PP2D1: variants seen among roughly 807,000 people sequenced by gnomAD.
The protein encoded by PP2D1 is protein phosphatase 2C like domain containing 1.
Under a neutral mutation model 30.2 loss-of-function variants are expected in PP2D1, and 25 were observed. The ratio of observed to expected loss-of-function variants is 0.83; its 90% confidence interval spans 0.60 to 1.16. PP2D1 has a LOEUF of 1.16. Among genes scored for constraint, PP2D1 ranks in the 50% most tolerant of loss-of-function variants. PP2D1 has a pLI of 0.00. For missense variants in PP2D1, 760 were observed against 742.4 expected, an observed-to-expected ratio of 1.02 and a Z score of -0.28; for synonymous variants, 260 against 258.9, an observed-to-expected ratio of 1.00 and a Z score of -0.04.
At chr3:20,002,129 G>C (rs1697264806) in intron 1 of PP2D1, 33 bp from the exon 2 acceptor site, 2 of 1,387,420 alleles carry the variant, frequency 1.4e-6, no homozygotes, top group Middle Eastern at 1.8e-4. Flanking sequence ...TTACATGCCA[G>C]GATGATGCAG....
chr3:20,010,621 G>C (rs954787116), intron 1 of PP2D1, among the ~76,000 whole-genome samples: 3 of 151,872 alleles, frequency 2.0e-5, no homozygotes, highest in African/African-American at 7.3e-5. Flanking sequence ...GACCGACATA[G>C]AGAAACCCCA....
intron 2 of PP2D1, among the ~76,000 whole-genome samples, chr3:19,995,048 T>C (rs2125141145): frequency 6.6e-6 from 1 of 152,286 alleles, no homozygotes; most frequent in East Asian, 1.9e-4. Context: ...AGAGAATAAT[T>C]GGACCAAACT....
intron 1 of PP2D1, among the ~76,000 whole-genome samples, chr3:20,007,507 G>A (rs111579370): frequency 2.0e-5 from 3 of 152,044 alleles, no homozygotes; most frequent in Non-Finnish European, 4.4e-5. Flanking sequence ...GGTGGCTCAC[G>A]CCTGTGATCC....
Position 19,987,797 on chromosome 3 carries a change from T to C in PP2D1, c.1091-1615A>G, listed in dbSNP as rs146408962. On this transcript the variant is annotated intron_variant, in intron 2 of 2. Transcript: ENST00000389050. The stretch of plus-strand genomic sequence containing the variant: ...CGTTGTTGCGGGAAGTCAGGGACCC[T>C]GAACAGAGGGACTGGCTGAAGCCAT... 9.6e-3 allele frequency among the ~76,000 whole-genome samples: 1,461 copies of C among 152,308 alleles called. 22 individuals are homozygous for C. The highest frequency in any genetic ancestry group is 0.031 in the African/African-American group (1,286 of 41,570).
intron 1 of PP2D1, among the ~76,000 whole-genome samples, chr3:20,011,624 C>T (rs1280410577): frequency 1.3e-5 from 2 of 151,912 alleles, no homozygotes; most frequent in Non-Finnish European, 2.9e-5. Context: ...CATAGTGAAA[C>T]CCTGTCTCTA....
At chr3:19,995,760 AAGT>A in intron 2 of PP2D1, among the ~76,000 whole-genome samples, 1 of 152,328 alleles carries the variant, frequency 6.6e-6, no homozygotes, top group Middle Eastern at 3.4e-3. Context: ...GATTTTTTAA[AAGT>A]AGTATCTTTT....
intron 1 of PP2D1, among the ~76,000 whole-genome samples, chr3:20,002,978 C>A (rs571425929): frequency 2.0e-5 from 3 of 152,008 alleles, no homozygotes; most frequent in African/African-American, 7.2e-5. Context: ...TTGCTTGAAC[C>A]TGGGAGACGG....
intron 2 of PP2D1, among the ~76,000 whole-genome samples, chr3:19,998,163 C>G (rs529650949): frequency 6.6e-6 from 1 of 152,224 alleles, no homozygotes; most frequent in Admixed American, 6.5e-5. Context: ...AACCCTGTCT[C>G]TACTAAAAAT....
At chr3:19,989,844 G>C (rs1697093613) in intron 2 of PP2D1, among the ~76,000 whole-genome samples, 1 of 152,174 alleles carries the variant, frequency 6.6e-6, no homozygotes, top group East Asian at 1.9e-4. Flanking sequence ...GCAAGTCAAA[G>C]GCCATTTAGC....
intron 2 of PP2D1, among the ~76,000 whole-genome samples, chr3:19,993,225 A>G (rs1697138978): frequency 6.6e-6 from 1 of 152,136 alleles, no homozygotes; most frequent in Non-Finnish European, 1.5e-5. Context: ...AGACATAAAG[A>G]TATTGGAATA....
At chr3:19,983,676 A>G (rs1291209997), downstream of PP2D1, 3 of 1,424,870 alleles carry the variant, frequency 2.1e-6, no homozygotes, top group African/African-American at 2.9e-5. Context: ...TGAGTATTCA[A>G]ATATTCTATT....
At chr3:19,982,852 A>T (rs1054138394), downstream of PP2D1, among the ~76,000 whole-genome samples, 12 of 152,162 alleles carry the variant, frequency 7.9e-5, no homozygotes, top group African/African-American at 2.7e-4. Flanking sequence ...ATGATCTATC[A>T]CAATTCGGGG....
At chr3:19,987,553 T>C (rs1214949277) in intron 2 of PP2D1, among the ~76,000 whole-genome samples, 2 of 152,142 alleles carry the variant, frequency 1.3e-5, no homozygotes, top group Admixed American at 1.3e-4. Flanking sequence ...TGGGATCATT[T>C]AGTTGCTTGC....
At chr3:20,006,992 C>CATATATATACACACATATATATGTAT (rs755592059) in intron 1 of PP2D1, among the ~76,000 whole-genome samples, 67 of 95,148 alleles carry the variant, frequency 7.0e-4, no homozygotes, top group African/African-American at 2.6e-3. Flanking sequence ...TATATGTATA[C>CATATATATACACACATATATATGTAT]ACACACACAC....
chr3:20,006,925 C>T (rs913057399), intron 1 of PP2D1, among the ~76,000 whole-genome samples: 10 of 150,864 alleles, frequency 6.6e-5, no homozygotes, highest in Admixed American at 2.7e-4. Context: ...TACAGATGCC[C>T]GCCTAAAATA....
Position 20,001,911 on chromosome 3 carries a change from T to C in PP2D1, c.209A>G (p.Lys70Arg), listed in dbSNP as rs1324123135. 6.5e-7 allele frequency: 1 copy of C among 1,536,442 alleles called. No homozygotes were observed. Among genetic ancestry groups the C allele is most frequent in the Non-Finnish European group, 8.7e-7 (1 of 1,146,984 alleles). Residue 70 changes from lysine to arginine, a missense_variant, in exon 2 of 3, where the codon AAG becomes AGG. Around this residue, in one of 3 missense-constraint regions of PP2D1, gnomAD observed 374 missense variants for 388.8 expected, o/e 0.96. Transcript: ENST00000389050. Reference sequence around the variant, plus strand: ...AATACCAGTTAGGTCAATTTCGTGCTTGCATATGGAACAGGGTAATGTGGT... The same window carrying C: ...AATACCAGTTAGGTCAATTTCGTGCCTGCATATGGAACAGGGTAATGTGGT... Reference protein sequence around the residue: ...QGTTLPCSICKHEIDLTGIFL... With the variant: ...QGTTLPCSICRHEIDLTGIFL...
intron 1 of PP2D1, among the ~76,000 whole-genome samples, chr3:20,007,487 G>A (rs998725114): frequency 3.9e-5 from 6 of 152,022 alleles, no homozygotes; most frequent in Non-Finnish European, 7.4e-5. Context: ...AGTAAATAGA[G>A]GCCAGGTGCG....
intron 2 of PP2D1, among the ~76,000 whole-genome samples, chr3:19,994,122 C>T (rs1226495224): frequency 1.3e-5 from 2 of 151,904 alleles, no homozygotes; most frequent in Non-Finnish European, 1.5e-5. Context: ...CTAAATGGCT[C>T]ACCACAACAA....
At chr3:19,999,076 C>T (rs1366602187) in intron 2 of PP2D1, among the ~76,000 whole-genome samples, 1 of 131,722 alleles carries the variant, frequency 7.6e-6, no homozygotes, top group Non-Finnish European at 1.6e-5. Flanking sequence ...AGCAGTGTGT[C>T]TAGACTTTTT....
Sources: allele counts gnomAD v4.1 joint callset (sites outside exome capture counted in the v4.1 genomes callset), GRCh38; gene constraint gnomAD v4.1.1; regional missense constraint gnomAD v4.1.1; transcripts MANE v1.5; gene names NCBI Gene and HGNC (gene_info 2026-07-23, HGNC 2026-07-21).